PRRG2: variants seen among roughly 807,000 people sequenced by gnomAD.
PRRG2 encodes transmembrane gamma-carboxyglutamic acid protein 2.
PRRG2 carries 23 observed loss-of-function variants against 27.1 expected under a neutral mutation model. The observed-to-expected ratio is 0.85, with a 90% CI of 0.61 to 1.20. PRRG2 has a LOEUF of 1.20. Ranked by LOEUF, PRRG2 falls within the 50% of genes most tolerant of loss-of-function variation. PRRG2 has a pLI of 0.00. For synonymous variants in PRRG2, 104 were observed against 103.4 expected (o/e 1.01, Z -0.03); for missense variants, 276 against 254.8 (o/e 1.08, Z -0.57).
In PRRG2 at chr19:49,590,550, C is replaced by T; in HGVS notation, c.*161C>T. The T allele has an allele frequency of 1.0e-6, 1 of 975,290 alleles. No homozygotes were observed. Among genetic ancestry groups the T allele is most frequent in the Middle Eastern group, 2.2e-4 (1 of 4,480 alleles). 60.4% of individuals were successfully genotyped at this position (975,290 alleles called of 1,614,324 possible). ...GCCTGCCCTGGCACACGCGTTTCCG[C>T]CGCGTATGGATATACACATGTTTTC... On this transcript the variant is annotated 3_prime_UTR_variant, in exon 7 of 7. Transcript: ENST00000246794.
At chr19:49,590,292 G>T in intron 6 of PRRG2, 79 bp from the exon 7 acceptor site, 1 of 1,601,994 alleles carries the variant, frequency 6.2e-7, no homozygotes, top group African/African-American at 1.3e-5. Context: ...GACGCCAAGG[G>T]CGGTCGGAGT....
intron 1 of PRRG2, 36 bp from the exon 2 acceptor site, chr19:49,583,169 ACT>A (rs1425848433): frequency 1.9e-6 from 3 of 1,553,334 alleles, no homozygotes. Flanking sequence ...TTACCCAGGG[ACT>A]AAGGCCCTTG....
At chr19:49,583,877 C>T in intron 3 of PRRG2, 36 bp from the exon 4 acceptor site, 3 of 1,611,416 alleles carry the variant, frequency 1.9e-6, no homozygotes, top group Non-Finnish European at 1.7e-6. Context: ...TGAATTCCTG[C>T]TTTTTCCCCT....
intron 5 of PRRG2, 117 bp from the exon 6 acceptor site, chr19:49,589,783 C>T: frequency 8.6e-7 from 1 of 1,165,188 alleles, no homozygotes; most frequent in Non-Finnish European, 1.2e-6. Flanking sequence ...AGTCCACCTC[C>T]CTTCCAGCTC....
intron 4 of PRRG2, among the ~76,000 whole-genome samples, chr19:49,586,096 A>AAC: frequency 6.6e-6 from 1 of 150,382 alleles, no homozygotes; most frequent in South Asian, 2.1e-4. Flanking sequence ...AAAAAAAAAA[A>AAC]ACAAGGAAAT....
intron 6 of PRRG2, 134 bp downstream of exon 6, chr19:49,590,186 GC>G: frequency 2.1e-6 from 3 of 1,404,742 alleles, no homozygotes; most frequent in Non-Finnish European, 2.9e-6. Flanking sequence ...CGGGGGCGGG[GC>G]CCCATGCAAT....
At chr19:49,589,803 G>A in intron 5 of PRRG2, 97 bp from the exon 6 acceptor site, 1 of 1,362,890 alleles carries the variant, frequency 7.3e-7, no homozygotes, top group Non-Finnish European at 1.0e-6. Context: ...CTGTCCCAGT[G>A]TCACCCTGAG....
chr19:49,581,889 G>A lies in PRRG2; in HGVS notation c.-14+408G>A, dbSNP rs150597059. 3.6e-4 allele frequency among the ~76,000 whole-genome samples: 54 copies of A among 152,080 alleles called. No individual in the cohort carries two copies. The East Asian group carries it at 0.01, about 29-fold the overall frequency. On this transcript the variant is annotated intron_variant, in intron 1 of 6. Coordinates refer to ENST00000246794, the MANE Select transcript of PRRG2 (RefSeq NM_000951.3). ...CACACTTGCACACTGTGTGACCTTC[G>A]GCAAGCTATATTACCTCTCTGTGCC...
chr19:49,589,836 T>C (rs376146075), intron 5 of PRRG2, 64 bp from the exon 6 acceptor site: 2 of 1,563,174 alleles, frequency 1.3e-6, no homozygotes. Context: ...AGATCCCCTC[T>C]CTTCCTCCCT....
At chr19:49,588,926 G>A (rs959527553) in intron 5 of PRRG2, among the ~76,000 whole-genome samples, 1 of 152,044 alleles carries the variant, frequency 6.6e-6, no homozygotes, top group Non-Finnish European at 1.5e-5. Flanking sequence ...TCTGGATATT[G>A]TATCTGGTGA....
chr19:49,583,980 T>C, intron 4 of PRRG2, 28 bp downstream of exon 4: 1 of 1,606,624 alleles, frequency 6.2e-7, no homozygotes, highest in Non-Finnish European at 8.5e-7. Flanking sequence ...GCCATCTTGT[T>C]CTGTGCAGCT....
At position 49,583,600 on chromosome 19, in the gene PRRG2, A is replaced by C; in HGVS notation, c.144A>C (p.Pro48=). 6.2e-7 allele frequency: 1 copy of C among 1,614,198 alleles called. No homozygotes were observed. Among genetic ancestry groups the C allele is most frequent in the Non-Finnish European group, 8.5e-7 (1 of 1,180,036 alleles). ...QSFLSSHTRI[P]RANHWDLELL... ...TCCTGAGTAGCCATACCCGGATTCC[A>C]AGAGCCAACCACTGGGACCTGGAGC... The change falls in exon 3 of 7, where the codon CCA becomes CCC. Residue 48 remains proline, a synonymous_variant. Coordinates refer to ENST00000246794, the MANE Select transcript of PRRG2 (RefSeq NM_000951.3).
At position 49,583,527 on chromosome 19, in the gene PRRG2, T is replaced by C. The variant is rs781052666; in HGVS notation, c.86-15T>C. The C allele has an allele frequency of 3.1e-6, 5 of 1,613,176 alleles. No homozygotes were observed. Among genetic ancestry groups the C allele is most frequent in the East Asian group, 4.5e-5 (2 of 44,904 alleles). On this transcript the variant is annotated splice_polypyrimidine_tract_variant and intron_variant, in intron 2 of 6. Transcript: ENST00000246794. ...GGACCCTCCATTTTTCTGTCCCTCATGTCTTTGGGTCCAGAAGTCTTCCTG... is the reference window on the plus strand; with the variant it reads ...GGACCCTCCATTTTTCTGTCCCTCACGTCTTTGGGTCCAGAAGTCTTCCTG...
intron 4 of PRRG2, among the ~76,000 whole-genome samples, chr19:49,587,437 C>T (rs546371819): frequency 2.1e-3 from 315 of 149,734 alleles, no homozygotes; most frequent in Non-Finnish European, 3.6e-3. Flanking sequence ...CTCATCCTTC[C>T]GAGTAGCTGG....
intron 4 of PRRG2, among the ~76,000 whole-genome samples, chr19:49,588,032 G>C (rs2080685300): frequency 2.0e-5 from 3 of 152,062 alleles, no homozygotes; most frequent in African/African-American, 4.8e-5. Flanking sequence ...CTCAATCTCG[G>C]CTCACTAAAA....
intron 4 of PRRG2, among the ~76,000 whole-genome samples, chr19:49,586,335 G>C (rs982621104): frequency 6.6e-6 from 1 of 150,828 alleles, no homozygotes; most frequent in Admixed American, 6.6e-5. Context: ...TGATCCTCCT[G>C]CCTTGGCCTC....
chr19:49,586,430 G>A lies in PRRG2; in HGVS notation c.302-2067G>A, dbSNP rs760877118. ...TTAGAGACAGGGTCCAGTCACCCAG[G>A]CTGGAGTATAGTGGAGTGATCCTGG... On this transcript the variant is annotated intron_variant, in intron 4 of 6. Coordinates refer to ENST00000246794, the MANE Select transcript of PRRG2 (RefSeq NM_000951.3). 3.3e-5 allele frequency among the ~76,000 whole-genome samples: 5 copies of A among 150,364 alleles called. No homozygotes were observed. In the East Asian group the frequency reaches 9.8e-4, roughly 30 times the overall value.
At chr19:49,587,516 A>C (rs367579095) in intron 4 of PRRG2, among the ~76,000 whole-genome samples, 6 of 114,536 alleles carry the variant, frequency 5.2e-5, no homozygotes, top group East Asian at 2.5e-4. Flanking sequence ...ACAGAGTTTC[A>C]CTCTTGTTGC....
chr19:49,588,027 T>C (rs1193954331), intron 4 of PRRG2, among the ~76,000 whole-genome samples: 1 of 152,136 alleles, frequency 6.6e-6, no homozygotes, highest in Non-Finnish European at 1.5e-5. Flanking sequence ...AATGGCTCAA[T>C]CTCGGCTCAC....
Sources: allele counts gnomAD v4.1 joint callset (sites outside exome capture counted in the v4.1 genomes callset), GRCh38; gene constraint gnomAD v4.1.1; transcripts MANE v1.5; gene names NCBI Gene and HGNC (gene_info 2026-07-23, HGNC 2026-07-21).